Variants in PTPRO observed in about 807,000 individuals in gnomAD.
The protein encoded by PTPRO is receptor-type tyrosine-protein phosphatase O.
Under a neutral mutation model 145.2 loss-of-function variants are expected in PTPRO, and 62 were observed. The observed-to-expected ratio is 0.43, with a 90% CI of 0.35 to 0.53. The LOEUF (loss-of-function observed/expected upper bound fraction) is 0.53, where lower values mean the gene tolerates loss of function less well. Among genes scored for constraint, PTPRO ranks in the 20% least tolerant of loss-of-function variants. The pLI is 0.01. For synonymous variants in PTPRO, 565 were observed against 514.7 expected (o/e 1.10, Z -1.32); for missense variants, 1,345 against 1,482.7 (o/e 0.91, Z 1.53).
chr12:15,498,679 A>AGG (rs10658181), intron 3 of PTPRO, among the ~76,000 whole-genome samples: 1 of 378 alleles, frequency 2.6e-3, no homozygotes, highest in African/African-American at 7.7e-3. Context: ...CAATGAAAAC[A>AGG]TAATCTGCAA....
At chr12:15,343,740 G>A (rs1867092697) in intron 1 of PTPRO, among the ~76,000 whole-genome samples, 1 of 151,990 alleles carries the variant, frequency 6.6e-6, no homozygotes, top group Admixed American at 6.6e-5. Flanking sequence ...TCGCTCTGTC[G>A]CCCAGGCTGG....
intron 1 of PTPRO, among the ~76,000 whole-genome samples, chr12:15,469,119 C>G (rs1332234223): frequency 6.6e-6 from 1 of 152,154 alleles, no homozygotes; most frequent in Non-Finnish European, 1.5e-5. Flanking sequence ...CATTTCATGC[C>G]TGTGGGGAAA....
intron 15 of PTPRO, among the ~76,000 whole-genome samples, chr12:15,552,795 CT>C (rs747379253): frequency 9.9e-4 from 91 of 91,562 alleles, no homozygotes; most frequent in African/African-American, 3.7e-3. Context: ...GAGGTCAAAT[CT>C]TTTTTTTTTT....
chr12:15,399,673 ATATTGC>A (rs1939435558), intron 1 of PTPRO, among the ~76,000 whole-genome samples: 2 of 152,142 alleles, frequency 1.3e-5, no homozygotes, highest in Non-Finnish European at 1.5e-5. Flanking sequence ...ATAGAAAAAC[ATATTGC>A]TTAGCTTTCA....
intron 16 of PTPRO, 31 bp downstream of exon 16, chr12:15,557,554 T>C: frequency 6.3e-7 from 1 of 1,586,622 alleles, no homozygotes; most frequent in Non-Finnish European, 8.7e-7. Context: ...AGCTTCTACA[T>C]AGTTTAACTA....
At chr12:15,520,120 T>A in intron 9 of PTPRO, 81 bp from the exon 10 acceptor site, 1 of 900,184 alleles carries the variant, frequency 1.1e-6, no homozygotes, top group East Asian at 2.5e-5. Flanking sequence ...TACTTATTAA[T>A]TTTTTATGAA....
chr12:15,470,705 G>C (rs536581792), intron 1 of PTPRO, among the ~76,000 whole-genome samples: 14 of 152,274 alleles, frequency 9.2e-5, no homozygotes, highest in African/African-American at 3.4e-4. Flanking sequence ...AATATCATTT[G>C]TACTTATTTT....
At chr12:15,370,853 G>C (rs1224933111) in intron 1 of PTPRO, among the ~76,000 whole-genome samples, 1 of 152,074 alleles carries the variant, frequency 6.6e-6, no homozygotes, top group Non-Finnish European at 1.5e-5. Context: ...AAAGTTCATT[G>C]AAACACTACT....
At chr12:15,438,712 G>C (rs1940670547) in intron 1 of PTPRO, among the ~76,000 whole-genome samples, 1 of 152,070 alleles carries the variant, frequency 6.6e-6, no homozygotes, top group African/African-American at 2.4e-5. Context: ...GATTATGTAA[G>C]AGGACTAAAT....
chr12:15,475,443 C>T (rs1241885580), intron 1 of PTPRO, among the ~76,000 whole-genome samples: 9 of 152,096 alleles, frequency 5.9e-5, no homozygotes, highest in Non-Finnish European at 8.8e-5. Context: ...TAAATATTTT[C>T]TCCTAAAAAT....
At chr12:15,393,835 A>G (rs1939261353) in intron 1 of PTPRO, among the ~76,000 whole-genome samples, 2 of 152,118 alleles carry the variant, frequency 1.3e-5, no homozygotes, top group Admixed American at 1.3e-4. Context: ...ATTTCTTACA[A>G]TTTTAGAAGC....
intron 1 of PTPRO, among the ~76,000 whole-genome samples, chr12:15,345,227 C>T (rs1404233924): frequency 1.3e-5 from 2 of 152,054 alleles, no homozygotes; most frequent in African/African-American, 4.8e-5. Flanking sequence ...TGATACTATA[C>T]AATACAAAAC....
chr12:15,355,499 G>T (rs535000802), intron 1 of PTPRO, among the ~76,000 whole-genome samples: 12 of 149,342 alleles, frequency 8.0e-5, no homozygotes, highest in Non-Finnish European at 1.6e-4. Flanking sequence ...TGCAATGCTT[G>T]GTGAGGCCTT....
chr12:15,376,654 G>T (rs1386288304), intron 1 of PTPRO, among the ~76,000 whole-genome samples: 2 of 152,136 alleles, frequency 1.3e-5, no homozygotes, highest in Non-Finnish European at 2.9e-5. Flanking sequence ...CAAGATCAAG[G>T]TGCCAACAGG....
chr12:15,571,706 CAG>C (rs1035945457), intron 19 of PTPRO, among the ~76,000 whole-genome samples: 2 of 152,096 alleles, frequency 1.3e-5, no homozygotes, highest in African/African-American at 4.8e-5. Flanking sequence ...TGAAAATTAA[CAG>C]GGGAGGATTT....
At chr12:15,458,422 A>T (rs1039451214) in intron 1 of PTPRO, among the ~76,000 whole-genome samples, 1 of 152,070 alleles carries the variant, frequency 6.6e-6, no homozygotes, top group Non-Finnish European at 1.5e-5. Context: ...TTCTTTGAAT[A>T]AGCTTTCTTT....
chr12:15,545,243 AAGT>A (rs1203289040), intron 12 of PTPRO, among the ~76,000 whole-genome samples: 1 of 151,924 alleles, frequency 6.6e-6, no homozygotes, highest in Non-Finnish European at 1.5e-5. Context: ...TGAAAAATCC[AAGT>A]AACAAGCAGG....
At chr12:15,558,701 A>T (rs1943700965) in intron 16 of PTPRO, among the ~76,000 whole-genome samples, 1 of 152,198 alleles carries the variant, frequency 6.6e-6, no homozygotes, top group Admixed American at 6.5e-5. Flanking sequence ...AAAATGGTTA[A>T]TCTTAAAGAA....
At chr12:15,478,733 G>A (rs1329407673) in intron 1 of PTPRO, among the ~76,000 whole-genome samples, 25 of 151,860 alleles carry the variant, frequency 1.6e-4, no homozygotes, top group Admixed American at 1.0e-3. Context: ...GTGCAGTGGC[G>A]CGATATCGGC....
Sources: allele counts gnomAD v4.1 joint callset (sites outside exome capture counted in the v4.1 genomes callset), GRCh38; gene constraint gnomAD v4.1.1; transcripts MANE v1.5; gene names NCBI Gene and HGNC (gene_info 2026-07-23, HGNC 2026-07-21).